Variants in ASNS observed in about 807,000 individuals in gnomAD.
ASNS encodes the protein asparagine synthetase (glutamine-hydrolyzing).
Under a neutral mutation model 62.6 loss-of-function variants are expected in ASNS, and 37 were observed. The ratio of observed to expected loss-of-function variants is 0.59; its 90% CI spans 0.45 to 0.78. ASNS has a LOEUF of 0.78. ASNS is among the 30% of genes least tolerant of loss of function. ASNS has a pLI of 0.00. For missense variants in ASNS, 520 were observed against 682.4 expected (o/e 0.76, Z 2.65); for synonymous variants, 207 against 237.9 (o/e 0.87, Z 1.19).
At chr7:97,874,519 A>C (rs1281434312), upstream of ASNS, among the ~76,000 whole-genome samples, 2 of 152,248 alleles carry the variant, frequency 1.3e-5, no homozygotes, top group Admixed American at 6.5e-5. Context: ...AGTCCATGAA[A>C]TCTTTACAAT....
chr7:97,909,236 A>G, the ASNS span, among the ~76,000 whole-genome samples: 1 of 151,254 alleles, frequency 6.6e-6, no homozygotes. Flanking sequence ...TTGTTCAGTA[A>G]ATGAAGTACC....
At chr7:97,921,061 A>T in the ASNS span, among the ~76,000 whole-genome samples, 2 of 152,114 alleles carry the variant, frequency 1.3e-5, no homozygotes. Context: ...TCTTCCCCAT[A>T]CAAAAATCAG....
upstream of ASNS, among the ~76,000 whole-genome samples, chr7:97,872,725 C>T (rs1792347391): frequency 6.6e-6 from 1 of 152,190 alleles, no homozygotes; most frequent in Admixed American, 6.5e-5. Context: ...GTTGCACTGC[C>T]GTCTGATTTA....
At chr7:97,893,947 C>T in the ASNS span, among the ~76,000 whole-genome samples, 2 of 152,282 alleles carry the variant, frequency 1.3e-5, no homozygotes, top group Non-Finnish European at 1.5e-5. Context: ...ACACATGGAA[C>T]ATTCTCCAGG....
chr7:97,881,343 ATC>A, the ASNS span, among the ~76,000 whole-genome samples: 4 of 151,856 alleles, frequency 2.6e-5, no homozygotes, highest in East Asian at 7.7e-4. Context: ...AGCAATCATC[ATC>A]TCTGTCTAGT....
chr7:97,869,216 A>G (rs1399209400), intron 2 of ASNS, 37 bp from the exon 3 acceptor site: 19 of 1,591,006 alleles, frequency 1.2e-5, no homozygotes, highest in Non-Finnish European at 1.6e-5. Flanking sequence ...AAAATATTCA[A>G]TATCCAATCC....
At chr7:97,870,238 T>C in intron 1 of ASNS, 1 of 846,496 alleles carries the variant, frequency 1.2e-6, no homozygotes, top group Non-Finnish European at 1.8e-6. Flanking sequence ...CTACGAAGAT[T>C]GTACACAGAG....
At chr7:97,878,359 A>G in the ASNS span, among the ~76,000 whole-genome samples, 1 of 152,178 alleles carries the variant, frequency 6.6e-6, no homozygotes, top group Non-Finnish European at 1.5e-5. Flanking sequence ...ATCATGAGAG[A>G]GTCGTGATCG....
At chr7:97,915,571 C>G in the ASNS span, among the ~76,000 whole-genome samples, 1 of 152,148 alleles carries the variant, frequency 6.6e-6, no homozygotes, top group Non-Finnish European at 1.5e-5. Flanking sequence ...GTGTCTACCA[C>G]AGAGAGGCAC....
At position 97,851,744 on chromosome 7, in the gene ASNS, G is replaced by C. The variant is rs374392191; in HGVS notation, c.*515C>G. 6.5e-6 allele frequency: 1 copy of C among 153,558 alleles called. No homozygotes were observed. The highest frequency in any genetic ancestry group is 2.4e-5 in the African/African-American group (1 of 41,444). 9.5% of individuals were successfully genotyped at this position (153,558 alleles called of 1,614,324 possible). A position where few individuals can be genotyped will look rare whatever the true frequency, so the allele number is the denominator to read the frequency against. The stretch of plus-strand genomic sequence containing the variant: ...AAAAAAAGCCTGACCCCTGCTCTAG[G>C]ACAAGTCTCCAGAAGTGGCTTTGGC... On this transcript the variant is annotated 3_prime_UTR_variant, in exon 13 of 13. Transcript: ENST00000394308.
At chr7:97,868,536 T>TGCGTGC (rs144368150) in intron 3 of ASNS, among the ~76,000 whole-genome samples, 1 of 151,592 alleles carries the variant, frequency 6.6e-6, no homozygotes, top group African/African-American at 2.4e-5. Context: ...TGTGTGTGTG[T>TGCGTGC]GTGTGTGTAG....
the ASNS span, among the ~76,000 whole-genome samples, chr7:97,927,169 T>C: frequency 3.6e-5 from 5 of 138,880 alleles, no homozygotes; most frequent in South Asian, 1.2e-3. Context: ...ATCCTCCCCC[T>C]TCGGCCTCTC....
the ASNS span, among the ~76,000 whole-genome samples, chr7:97,920,028 G>A: frequency 6.8e-6 from 1 of 146,770 alleles, no homozygotes; most frequent in African/African-American, 2.6e-5. Flanking sequence ...TTTTTTTTGA[G>A]ATGGAATCTT....
chr7:97,887,418 G>T, the ASNS span, among the ~76,000 whole-genome samples: 1 of 152,238 alleles, frequency 6.6e-6, no homozygotes, highest in Admixed American at 6.5e-5. Context: ...CTGTATCCAA[G>T]ACTCTGTCAT....
the ASNS span, among the ~76,000 whole-genome samples, chr7:97,926,185 A>G: frequency 0.079 from 11,931 of 151,740 alleles, 947 homozygotes; most frequent in African/African-American, 0.21. Context: ...CCACCCAACC[A>G]CGAGATCACA....
the ASNS span, among the ~76,000 whole-genome samples, chr7:97,914,999 CG>C: frequency 1.3e-5 from 2 of 152,160 alleles, no homozygotes; most frequent in East Asian, 1.9e-4. Context: ...TGAAGAAGAG[CG>C]GGGGGCATGG....
In ASNS at chr7:97,854,590, C is replaced by T; in HGVS notation, c.1228G>A (p.Ala410Thr). The change falls in exon 10 of 13, where the codon GCT (alanine) becomes ACT (threonine). Residue 410 changes from alanine to threonine, a missense_variant. Coordinates refer to ENST00000394308, the MANE Select transcript of ASNS (RefSeq NM_001673.5). ...CTCTAAAAATATTACCCATGGGCAG[C>T]AGTAGTTCGATCTGCGCGGAGAACA... ...FDVLRADRTTAAHGLELRVPF... is the reference protein window; with the variant it reads ...FDVLRADRTTTAHGLELRVPF... 1 of 1,613,738 alleles carries T rather than the reference C, an allele frequency of 6.2e-7. No individual in the cohort carries two copies. The highest frequency in any genetic ancestry group is 8.5e-7 in the Non-Finnish European group (1 of 1,179,928).
the ASNS span, among the ~76,000 whole-genome samples, chr7:97,883,831 C>CA: frequency 4.6e-5 from 7 of 151,700 alleles, no homozygotes; most frequent in South Asian, 6.3e-4. Context: ...ACTAAAAATA[C>CA]AAAAAAATTA....
chr7:97,901,204 CT>C, the ASNS span, among the ~76,000 whole-genome samples: 4 of 151,378 alleles, frequency 2.6e-5, no homozygotes, highest in African/African-American at 7.3e-5. Flanking sequence ...TCTCAGTCAT[CT>C]TTTTTTTTGA....
Sources: gnomAD v4.1 joint callset for allele counts (sites outside exome capture counted in the v4.1 genomes callset) on GRCh38, gnomAD v4.1.1 for gene constraint, MANE v1.5 for transcripts, NCBI Gene and HGNC (gene_info 2026-07-23, HGNC 2026-07-21) for gene names.